NBEAL1: variants seen among roughly 807,000 people sequenced by gnomAD.
NBEAL1 encodes the protein neurobeachin-like protein 1.
In NBEAL1, 273 loss-of-function variants were observed where a neutral mutation model predicts 351.3. The ratio of observed to expected loss-of-function variants is 0.78; its 90% CI spans 0.70 to 0.86. The LOEUF (loss-of-function observed/expected upper bound fraction) is 0.86, where lower values mean the gene tolerates loss of function less well. Among genes scored for constraint, NBEAL1 ranks in the 40% least tolerant of loss-of-function variants. The pLI is 0.00. For synonymous variants in NBEAL1, 1,050 were observed against 1,086.4 expected (o/e 0.97, Z 0.66); for missense variants, 2,961 against 3,201.3 (o/e 0.92, Z 1.81).
At chr2:203,067,406 A>G (rs1446273909) in intron 6 of NBEAL1, among the ~76,000 whole-genome samples, 1 of 152,250 alleles carries the variant, frequency 6.6e-6, no homozygotes, top group Non-Finnish European at 1.5e-5. Flanking sequence ...TTTGGATAGT[A>G]GATCTGGATC....
chr2:203,103,571 C>T (rs779588168), intron 12 of NBEAL1, among the ~76,000 whole-genome samples: 3 of 152,144 alleles, frequency 2.0e-5, no homozygotes, highest in Non-Finnish European at 4.4e-5. Context: ...TGTGCCCGGC[C>T]TATCTTTCGT....
At position 203,062,537 on chromosome 2, in the gene NBEAL1, C is replaced by T; in HGVS notation, c.515+5084C>T. The T allele has an allele frequency of 4.4e-6, 1 of 229,606 alleles. No individual in the cohort carries two copies. The highest frequency in any genetic ancestry group is 8.8e-6 in the Non-Finnish European group (1 of 114,086). The allele number at this position is 229,606 out of a possible 1,614,324, so 14.2% of individuals were successfully genotyped here. Reference sequence around the variant, plus strand: ...GGAGAGGGAGCCCAAGCTAGGAGCGCAGCCCAGAGACCCAAAAAGAAGAAA... The same window carrying T: ...GGAGAGGGAGCCCAAGCTAGGAGCGTAGCCCAGAGACCCAAAAAGAAGAAA... On this transcript the variant is annotated intron_variant, in intron 6 of 55. Coordinates refer to ENST00000683969, the MANE Select transcript of NBEAL1 (RefSeq NM_001378026.1). This position sits in a 1 kb window ranked among gnomAD's most constrained non-coding sequence, Gnocchi z 4.2.
intron 44 of NBEAL1, among the ~76,000 whole-genome samples, chr2:203,184,174 TA>T (rs2064825481): frequency 6.8e-6 from 1 of 146,624 alleles, no homozygotes; most frequent in South Asian, 2.3e-4. Context: ...CTCACGCCTC[TA>T]ATCCCAGCAC....
chr2:203,139,194 CT>C (rs1449338554), intron 31 of NBEAL1, among the ~76,000 whole-genome samples: 1 of 151,848 alleles, frequency 6.6e-6, no homozygotes, highest in African/African-American at 2.4e-5. Flanking sequence ...TTATCACACA[CT>C]ACCTACAAAG....
At chr2:203,179,009 T>C (rs2064614565) in intron 42 of NBEAL1, among the ~76,000 whole-genome samples, 2 of 152,210 alleles carry the variant, frequency 1.3e-5, no homozygotes, top group African/African-American at 4.8e-5. Context: ...ATGTCTATAA[T>C]TAAATTATAA....
chr2:203,105,770 C>T (rs1287151972), intron 12 of NBEAL1, among the ~76,000 whole-genome samples: 1 of 152,096 alleles, frequency 6.6e-6, no homozygotes, highest in Non-Finnish European at 1.5e-5. Context: ...TTTTAAAAGA[C>T]ATTAATGATT....
rs1559393965 is a variant in NBEAL1 at position 203,136,151 on chromosome 2, G to A, written c.4288G>A (p.Val1430Ile). The A allele has an allele frequency of 1.9e-6, 3 of 1,614,062 alleles. No homozygotes were observed. The highest frequency in any genetic ancestry group is 1.1e-5 in the South Asian group (1 of 91,062). The change falls in exon 28 of 56, where the codon GTA (valine) becomes ATA (isoleucine). Residue 1430 changes from valine to isoleucine, a missense_variant. Physicochemically the swap from Val to Ile is conservative, Grantham distance 29 (BLOSUM62 3). Transcript: ENST00000683969. ...PDSLPSTPSPVESTKSFSVHS... is the reference protein window; with the variant it reads ...PDSLPSTPSPIESTKSFSVHS... ...CAGTCTGCCTAGCACACCATCCCCA[G>A]TAGAGTCTACTAAATCGTTTTCTGT... is the stretch of plus-strand genomic sequence containing the variant.
At chr2:203,210,905 A>G in intron 53 of NBEAL1, 53 bp from the exon 54 acceptor site, 1 of 1,159,768 alleles carries the variant, frequency 8.6e-7, no homozygotes, top group Non-Finnish European at 1.2e-6. Flanking sequence ...AACTGGTTAT[A>G]TAAAAACTCA....
chr2:203,143,800 G>A (rs1274139749), intron 31 of NBEAL1, among the ~76,000 whole-genome samples: 1 of 152,142 alleles, frequency 6.6e-6, no homozygotes, highest in East Asian at 1.9e-4. Flanking sequence ...AACTTTGGAA[G>A]ATAGAGGTTA....
At chr2:203,196,815 C>T (rs991231682) in intron 47 of NBEAL1, among the ~76,000 whole-genome samples, 8 of 152,056 alleles carry the variant, frequency 5.3e-5, no homozygotes, top group African/African-American at 1.2e-4. Flanking sequence ...GTTTTCTGAA[C>T]GCTGTCTTTA....
chr2:203,078,719 T>G (rs1487638420), intron 8 of NBEAL1, among the ~76,000 whole-genome samples: 1 of 152,218 alleles, frequency 6.6e-6, no homozygotes, highest in Non-Finnish European at 1.5e-5. Context: ...ACATGTGTTT[T>G]CTTAAACCAC....
intron 6 of NBEAL1, among the ~76,000 whole-genome samples, chr2:203,064,290 T>G (rs2061546491): frequency 6.6e-6 from 1 of 152,138 alleles, no homozygotes; most frequent in Non-Finnish European, 1.5e-5. Context: ...TGACCTCAGT[T>G]GATCCACCTG....
chr2:203,190,498 C>T (rs1559051301), intron 46 of NBEAL1, 109 bp downstream of exon 46: 9 of 817,202 alleles, frequency 1.1e-5, no homozygotes, highest in Non-Finnish European at 1.8e-5. Flanking sequence ...TACTCTCAGT[C>T]ACAGAAAGAT....
At chr2:203,149,373 G>T (rs1437560062) in intron 34 of NBEAL1, among the ~76,000 whole-genome samples, 1 of 151,956 alleles carries the variant, frequency 6.6e-6, no homozygotes, top group Admixed American at 6.6e-5. Flanking sequence ...CCTTTGATAT[G>T]AAGTTTATTG....
intron 17 of NBEAL1, among the ~76,000 whole-genome samples, chr2:203,115,569 C>T (rs1296880441): frequency 3.9e-5 from 6 of 152,028 alleles, no homozygotes; most frequent in South Asian, 2.1e-4. Context: ...GCTGAGACTA[C>T]AGGCACATGC....
In NBEAL1 at chr2:203,107,475, T is replaced by G; in HGVS notation, c.1325T>G (p.Leu442Arg). ...YTHMLEVLKS[L>R]GQPPLELLKE... ...CATATGCTTGAAGTATTAAAATCCC[T>G]GGGTCAGCCACCACTGGAATTACTT... The change falls in exon 13 of 56, where the codon CTG becomes CGG. Residue 442 changes from leucine to arginine, a missense_variant. By Grantham distance (102) the Leu-to-Arg change is moderately radical. Transcript: ENST00000683969. 1 of 1,551,604 alleles carries G rather than the reference T, an allele frequency of 6.4e-7. No individual in the cohort carries two copies. The highest frequency in any genetic ancestry group is 8.7e-7 in the Non-Finnish European group (1 of 1,146,494).
intron 47 of NBEAL1, among the ~76,000 whole-genome samples, chr2:203,194,742 A>G (rs2065187849): frequency 6.6e-6 from 1 of 152,162 alleles, no homozygotes; most frequent in Non-Finnish European, 1.5e-5. Context: ...CCTACAAAAC[A>G]GGTGGTGGGC....
chr2:203,070,108 T>G (rs1235192111), intron 7 of NBEAL1, among the ~76,000 whole-genome samples: 1 of 152,240 alleles, frequency 6.6e-6, no homozygotes, highest in African/African-American at 2.4e-5. Context: ...TAGCTGTGTT[T>G]TTAAAAATAG....
chr2:203,197,510 T>C (rs559529281), intron 48 of NBEAL1, 119 bp downstream of exon 48: 3 of 605,330 alleles, frequency 5.0e-6, no homozygotes, highest in Non-Finnish European at 8.6e-6. Flanking sequence ...GGTTCATGCC[T>C]GTAATCCCAG....
Sources: gnomAD v4.1 joint callset for allele counts (sites outside exome capture counted in the v4.1 genomes callset) on GRCh38, gnomAD v4.1.1 for gene constraint, Gnocchi (gnomAD v3.1) non-coding constraint, MANE v1.5 for transcripts, NCBI Gene and HGNC (gene_info 2026-07-23, HGNC 2026-07-21) for gene names.